The following LEKR1 variants were observed in gnomAD, a reference collection of about 807,000 sequenced individuals.
LEKR1 encodes the protein leucine, glutamate and lysine rich 1, also known as protein LEKR1.
In LEKR1, 59 loss-of-function variants were observed where a neutral mutation model predicts 72.4. The observed-to-expected ratio is 0.82, with a 90% confidence interval of 0.66 to 1.01. The LOEUF (loss-of-function observed/expected upper bound fraction) is 1.01. Ranked by LOEUF, LEKR1 falls within the 50% of genes least tolerant of loss-of-function variation. LEKR1 has a pLI of 0.00. For missense variants in LEKR1, 728 were observed against 759.2 expected, an observed-to-expected ratio of 0.96 and a Z score of 0.48; for synonymous variants, 257 against 263.2, an observed-to-expected ratio of 0.98 and a Z score of 0.23.
intron 2 of LEKR1, among the ~76,000 whole-genome samples, chr3:156,850,913 CAG>C (rs879556183): frequency 2.8e-4 from 42 of 152,100 alleles, no homozygotes; most frequent in African/African-American, 8.2e-4. Flanking sequence ...TTTTTAAAAT[CAG>C]GGGTTTTATT....
At chr3:157,026,957 A>G (rs1201168720) in intron 11 of LEKR1, among the ~76,000 whole-genome samples, 2 of 152,250 alleles carry the variant, frequency 1.3e-5, no homozygotes, top group Non-Finnish European at 2.9e-5. Context: ...CACCTTGAGA[A>G]GCAATACATT....
At chr3:156,981,534 G>C (rs1730199217) in intron 7 of LEKR1, among the ~76,000 whole-genome samples, 1 of 152,194 alleles carries the variant, frequency 6.6e-6, no homozygotes, top group African/African-American at 2.4e-5. Flanking sequence ...CCCATTTTTA[G>C]AAATGCGAAT....
chr3:156,983,880 G>A (rs1730448025), intron 7 of LEKR1, among the ~76,000 whole-genome samples: 1 of 152,056 alleles, frequency 6.6e-6, no homozygotes, highest in Non-Finnish European at 1.5e-5. Context: ...TAAGTCTGAG[G>A]ATTCAACACA....
At chr3:157,038,217 A>G (rs1283133986) in intron 12 of LEKR1, among the ~76,000 whole-genome samples, 2 of 152,312 alleles carry the variant, frequency 1.3e-5, no homozygotes, top group Non-Finnish European at 2.9e-5. Flanking sequence ...GGTGAAGGCA[A>G]TAGAGGTTGC....
At chr3:157,045,277 ACTAT>A (rs1361969453) in intron 12 of LEKR1, 59 bp from the exon 13 acceptor site, 15 of 1,358,752 alleles carry the variant, frequency 1.1e-5, no homozygotes, top group Non-Finnish European at 1.4e-5. Context: ...ATTGTCCGTA[ACTAT>A]CTACTTATGT....
intron 5 of LEKR1, among the ~76,000 whole-genome samples, chr3:156,930,641 A>C (rs1560089298): frequency 6.6e-6 from 1 of 152,194 alleles, no homozygotes; most frequent in African/African-American, 2.4e-5. Context: ...AAGTATTCAA[A>C]CAATCCAAAA....
intron 2 of LEKR1, among the ~76,000 whole-genome samples, chr3:156,831,734 C>T (rs539550051): frequency 2.0e-5 from 3 of 152,176 alleles, no homozygotes; most frequent in Admixed American, 6.5e-5. Flanking sequence ...AAAGGTTCAC[C>T]CTCATGATTC....
At chr3:156,851,977 CCT>C (rs1715419255) in intron 2 of LEKR1, among the ~76,000 whole-genome samples, 1 of 152,036 alleles carries the variant, frequency 6.6e-6, no homozygotes, top group South Asian at 2.1e-4. Flanking sequence ...TTTCACTGGC[CCT>C]ATGCTGGCCA....
intron 3 of LEKR1, among the ~76,000 whole-genome samples, chr3:156,915,901 A>G (rs138064465): frequency 1.3e-4 from 20 of 152,184 alleles, no homozygotes; most frequent in Admixed American, 4.6e-4. Flanking sequence ...TGGGTTTTAC[A>G]TTTAAGTCTT....
chr3:156,859,967 C>T (rs1448060148), intron 3 of LEKR1, among the ~76,000 whole-genome samples: 1 of 152,084 alleles, frequency 6.6e-6, no homozygotes, highest in East Asian at 1.9e-4. Context: ...TTGGAGACTT[C>T]GACAGCACCT....
intron 2 of LEKR1, among the ~76,000 whole-genome samples, chr3:156,848,410 A>C (rs959522662): frequency 6.6e-6 from 1 of 152,168 alleles, no homozygotes; most frequent in African/African-American, 2.4e-5. Context: ...ATTTGTGAGG[A>C]TATATTAGAC....
chr3:156,936,538 A>G (rs1187736783), intron 5 of LEKR1, among the ~76,000 whole-genome samples: 2 of 151,882 alleles, frequency 1.3e-5, no homozygotes, highest in Non-Finnish European at 2.9e-5. Flanking sequence ...TCTAAAGTCT[A>G]TGTTTTTTCT....
At chr3:156,992,807 A>G in intron 8 of LEKR1, 77 bp downstream of exon 8, 1 of 299,710 alleles carries the variant, frequency 3.3e-6, no homozygotes, top group Non-Finnish European at 5.7e-6. Context: ...TTTTATTTAA[A>G]AGGCACTTAT....
intron 6 of LEKR1, among the ~76,000 whole-genome samples, chr3:156,948,232 C>A (rs1010405129): frequency 4.0e-5 from 6 of 150,944 alleles, no homozygotes; most frequent in Admixed American, 3.3e-4. Flanking sequence ...TGTTTCTTTG[C>A]CATTCTTGTT....
At position 157,011,447 on chromosome 3, in the gene LEKR1, G is replaced by A. The variant is rs770121374; in HGVS notation, c.1144G>A (p.Glu382Lys). The change falls in exon 10 of 13, where the codon GAG (glutamate) becomes AAG (lysine). Residue 382 changes from glutamate (E) to lysine (K), a missense_variant. Glu to Lys is a moderately conservative substitution (Grantham distance 56). Coordinates refer to ENST00000356539, the MANE Select transcript of LEKR1 (RefSeq NM_001004316.3). The part of the protein sequence containing the change: ...LMLISHQKSI[E>K]QLQETLRQKL... The stretch of plus-strand genomic sequence containing the variant: ...GCTGATTTCACATCAGAAAAGCATC[G>A]AGCAGCTGCAAGAAACCCTTAGACA... The A allele has an allele frequency of 2.0e-5, 32 of 1,612,984 alleles. No individual in the cohort carries two copies. The highest frequency in any genetic ancestry group is 2.5e-5 in the Non-Finnish European group (30 of 1,179,338).
chr3:157,017,948 C>CAAAAAAAAAAAAAAAAAAAAAA (rs58950224), intron 10 of LEKR1, among the ~76,000 whole-genome samples: 23 of 82,966 alleles, frequency 2.8e-4, no homozygotes, highest in African/African-American at 1.5e-3. Flanking sequence ...GACTCTGTCT[C>CAAAAAAAAAAAAAAAAAAAAAA]AAAAAAAAAA....
chr3:156,967,044 C>T lies in LEKR1; in HGVS notation c.746-12150C>T, dbSNP rs561845436. Among the ~76,000 whole-genome samples the T allele has an allele frequency of 5.9e-5, 9 of 152,306 alleles. No homozygotes were observed. In the South Asian group the frequency reaches 1.9e-3, roughly 32 times the overall value. ...GTCTGGAGTGGACCTCCAGCAAACT[C>T]CAACAGACCTGCAGCTGAGGGTCCT... On this transcript the variant is annotated intron_variant, in intron 6 of 12. Transcript: ENST00000356539.
At chr3:156,909,563 A>G (rs1481836900) in intron 3 of LEKR1, among the ~76,000 whole-genome samples, 1 of 150,928 alleles carries the variant, frequency 6.6e-6, no homozygotes, top group Non-Finnish European at 1.5e-5. Flanking sequence ...AGGCAGGAGA[A>G]TCGTTTGAAC....
chr3:156,935,331 C>T (rs555839314), intron 5 of LEKR1, among the ~76,000 whole-genome samples: 1 of 152,226 alleles, frequency 6.6e-6, no homozygotes, highest in South Asian at 2.1e-4. Flanking sequence ...CAAACTGAAG[C>T]TATGTTATTA....
Sources: allele counts gnomAD v4.1 joint callset (sites outside exome capture counted in the v4.1 genomes callset), GRCh38; gene constraint gnomAD v4.1.1; transcripts MANE v1.5; gene names NCBI Gene and HGNC (gene_info 2026-07-23, HGNC 2026-07-21).